OR4K14: variants seen among roughly 807,000 people sequenced by gnomAD.
OR4K14 encodes olfactory receptor family 4 subfamily K member 14, also known as olfactory receptor 4K14.
For missense variants in OR4K14, 406 were observed against 373.6 expected (o/e 1.09, Z -0.72); for synonymous variants, 153 against 141.5 (o/e 1.08, Z -0.58).
chr14:20,015,599 T>C (rs1019227083), intron 1 of OR4K14, among the ~76,000 whole-genome samples: 4 of 152,158 alleles, frequency 2.6e-5, no homozygotes, highest in African/African-American at 7.2e-5. Context: ...TGTTTACATA[T>C]ATGAAAACAT....
chr14:20,014,454 A>G lies in OR4K14; in HGVS notation c.740T>C (p.Val247Ala), dbSNP rs112130140. The stretch of plus-strand genomic sequence containing the variant: ...GCAAGGGCCAAAGAACAGCGTCACT[A>G]CCATGATATGTGCAGAGCAAGTGGA... Reference protein sequence around the residue: ...ALSTCSAHIMVVTLFFGPCIF... With the variant: ...ALSTCSAHIMAVTLFFGPCIF... Residue 247 changes from valine (V) to alanine (A), a missense_variant, in exon 2 of 2, where the codon GTA becomes GCA. By Grantham distance (64) the Val-to-Ala change is moderately conservative (BLOSUM62 0). Coordinates refer to ENST00000641793, the MANE Select transcript of OR4K14 (RefSeq NM_001004712.2). The G allele has an allele frequency of 8.8e-4, 1,425 of 1,614,144 alleles. 10 individuals carry two copies. The African/African-American group carries it at 0.016, about 18-fold the overall frequency.
intron 1 of OR4K14, among the ~76,000 whole-genome samples, chr14:20,016,914 T>A (rs1484202771): frequency 6.6e-6 from 1 of 152,032 alleles, no homozygotes; most frequent in Non-Finnish European, 1.5e-5. Context: ...AAAAAATGAA[T>A]AAAAATATTT....
intron 1 of OR4K14, among the ~76,000 whole-genome samples, chr14:20,015,918 C>T (rs1594159130): frequency 3.3e-5 from 5 of 151,078 alleles, no homozygotes; most frequent in Admixed American, 3.3e-4. Flanking sequence ...TCCTTCTTTC[C>T]ATGGCCTTTG....
Position 20,014,581 on chromosome 14 carries a change from C to A in OR4K14, c.613G>T (p.Gly205Trp). 6.2e-7 allele frequency: 1 copy of A among 1,614,090 alleles called. No homozygotes were observed. The change falls in exon 2 of 2, where the codon GGG (glycine) becomes TGG (tryptophan). Residue 205 changes from glycine (G) to tryptophan (W), a missense_variant. Physicochemically the swap from Gly to Trp is radical, Grantham distance 184. Transcript: ENST00000641793. ...VLGIIMISDS[G>W]LLSLSCFLLL... is the part of the protein sequence containing the mutation. ...AGAAAACAGCTCAAGGAAAGCAACC[C>A]ACTGTCTGAGATCATAATTATACCC... is the stretch of plus-strand genomic sequence containing the variant.
chr14:20,018,654 G>T (rs886788115), intron 1 of OR4K14, among the ~76,000 whole-genome samples: 1 of 151,828 alleles, frequency 6.6e-6, no homozygotes, highest in Non-Finnish European at 1.5e-5. Flanking sequence ...TGGAAAACTC[G>T]GGAAACAAAC....
rs759213274 is a variant in OR4K14, at chr14:20,015,183, T to C, written c.11A>G (p.Gln4Arg). The C allele has an allele frequency of 6.3e-7, 1 of 1,597,412 alleles. No individual in the cohort carries two copies. The highest frequency in any genetic ancestry group is 8.5e-7 in the Non-Finnish European group (1 of 1,173,112). Residue 4 changes from glutamine (Q) to arginine (R), a missense_variant, in exon 2 of 2, where the codon CAG becomes CGG. Physicochemically the swap from Gln to Arg is conservative, Grantham distance 43. Coordinates refer to ENST00000641793, the MANE Select transcript of OR4K14 (RefSeq NM_001004712.2). MDP[Q>R]NYSLVSEFVL... ...AAATTCTGACACCAAGGAATAGTTC[T>C]GTGGGTCCATTGCCTCAGGTTTCAG...
intron 1 of OR4K14, among the ~76,000 whole-genome samples, chr14:20,016,380 G>A (rs1323181862): frequency 1.3e-5 from 2 of 151,790 alleles, no homozygotes; most frequent in Non-Finnish European, 2.9e-5. Flanking sequence ...TGGGCGGGGG[G>A]TGATGTATAA....
chr14:20,015,156 A>G lies in OR4K14; in HGVS notation c.38T>C (p.Val13Ala), dbSNP rs2138660871. Reference sequence around the variant, plus strand: ...TCGTGAAGTGCAGAGTCCATGCAACACAAATTCTGACACCAAGGAATAGTT... The same window carrying G: ...TCGTGAAGTGCAGAGTCCATGCAACGCAAATTCTGACACCAAGGAATAGTT... ...PQNYSLVSEF[V>A]LHGLCTSRHL... is the part of the protein sequence containing the mutation. The change falls in exon 2 of 2, where the codon GTG becomes GCG. Residue 13 changes from valine to alanine, a missense_variant. By Grantham distance (64) the Val-to-Ala change is moderately conservative. Transcript: ENST00000641793. 6.2e-7 allele frequency: 1 copy of G among 1,612,070 alleles called. No individual in the cohort carries two copies. Among genetic ancestry groups the G allele is most frequent in the East Asian group, 2.2e-5 (1 of 44,864 alleles).
In OR4K14 at chr14:20,014,533, C is replaced by T. The variant is rs748740603; in HGVS notation, c.661G>A (p.Val221Met). Reference protein sequence around the residue: ...CFLLLLISYTVILLAIRQRAA... With the variant: ...CFLLLLISYTMILLAIRQRAA... The stretch of plus-strand genomic sequence containing the variant: ...CGCTGTCTGATAGCGAGGAGGATCA[C>T]GGTGTAGGAGATCAGGAGGAGCAGA... Residue 221 changes from valine to methionine, a missense_variant, in exon 2 of 2, where the codon GTG becomes ATG. Transcript: ENST00000641793. 2.5e-6 allele frequency: 4 copies of T among 1,613,898 alleles called. No individual in the cohort carries two copies. Among genetic ancestry groups the T allele is most frequent in the African/African-American group, 1.3e-5 (1 of 74,888 alleles).
At chr14:20,016,488 G>A (rs1223846432) in intron 1 of OR4K14, among the ~76,000 whole-genome samples, 1 of 152,010 alleles carries the variant, frequency 6.6e-6, no homozygotes, top group Non-Finnish European at 1.5e-5. Flanking sequence ...GTTGTAGAAT[G>A]GCTTTTCTGA....
At chr14:20,018,606 A>C (rs924665072) in intron 1 of OR4K14, among the ~76,000 whole-genome samples, 3 of 152,008 alleles carry the variant, frequency 2.0e-5, no homozygotes, top group African/African-American at 7.2e-5. Context: ...TATACTTTTT[A>C]ATAAAGATTA....
chr14:20,019,012 A>T (rs1877154325), intron 1 of OR4K14, 131 bp downstream of exon 1: 1 of 151,942 alleles, frequency 6.6e-6, no homozygotes, highest in Admixed American at 6.6e-5. Flanking sequence ...ATAATGAAAA[A>T]ATTTAACTTC....
In OR4K14 at chr14:20,014,711, C is replaced by T. The variant is rs1478670731; in HGVS notation, c.483G>A (p.Val161=). The T allele has an allele frequency of 3.1e-6, 5 of 1,613,906 alleles. No individual in the cohort carries two copies. Among genetic ancestry groups the T allele is most frequent in the African/African-American group, 2.7e-5 (2 of 74,880 alleles). ...VVGFVHSISQ[V]AFTVNLPYCG... ...AGTAAGGCAAATTTACAGTGAAAGC[C>T]ACTTGACTGATGGAGTGCACAAATC... Residue 161 remains valine, a synonymous_variant, in exon 2 of 2, where the codon GTG becomes GTA. Coordinates refer to ENST00000641793, the MANE Select transcript of OR4K14 (RefSeq NM_001004712.2).
intron 1 of OR4K14, among the ~76,000 whole-genome samples, chr14:20,017,831 CAT>C: frequency 6.6e-6 from 1 of 152,154 alleles, no homozygotes; most frequent in Non-Finnish European, 1.5e-5. Flanking sequence ...CACCATTACA[CAT>C]GATTGACTAA....
Position 20,014,396 on chromosome 14 carries a change from G to A in OR4K14, c.798C>T (p.Phe266=). 6.2e-7 allele frequency: 1 copy of A among 1,613,976 alleles called. No homozygotes were observed. Among genetic ancestry groups the A allele is most frequent in the Non-Finnish European group, 8.5e-7 (1 of 1,179,934 alleles). Residue 266 remains phenylalanine, a synonymous_variant, in exon 2 of 2, where the codon TTC becomes TTT. Transcript: ENST00000641793. ...IFVYVRPFSR[F]SVDKLLSVFY... ...ACACAGACAGCAGCTTGTCCACAGA[G>A]AACCTACTGAAAGGCCGCACATAAA...
chr14:20,014,389 C>T lies in OR4K14; in HGVS notation c.805G>A (p.Asp269Asn), dbSNP rs1008577860. The change falls in exon 2 of 2, where the codon GAC becomes AAC. Residue 269 changes from aspartate to asparagine, a missense_variant. Physicochemically the swap from Asp to Asn is conservative, Grantham distance 23. Coordinates refer to ENST00000641793, the MANE Select transcript of OR4K14 (RefSeq NM_001004712.2). ...YVRPFSRFSVDKLLSVFYTIF... is the reference protein window; with the variant it reads ...YVRPFSRFSVNKLLSVFYTIF... ...GTATAAAACACAGACAGCAGCTTGT[C>T]CACAGAGAACCTACTGAAAGGCCGC... is the stretch of plus-strand genomic sequence containing the variant. 1.9e-6 allele frequency: 3 copies of T among 1,613,800 alleles called. No homozygotes were observed. Among genetic ancestry groups the T allele is most frequent in the Non-Finnish European group, 2.5e-6 (3 of 1,179,944 alleles).
At position 20,014,653 on chromosome 14, in the gene OR4K14, C is replaced by G; in HGVS notation, c.541G>C (p.Asp181His). 1.2e-6 allele frequency: 2 copies of G among 1,614,014 alleles called. No homozygotes were observed. Among genetic ancestry groups the G allele is most frequent in the South Asian group, 2.2e-5 (2 of 91,070 alleles). Residue 181 changes from aspartate (D) to histidine (H), a missense_variant, in exon 2 of 2, where the codon GAC (aspartate) becomes CAC (histidine). By Grantham distance (81) the Asp-to-His change is moderately conservative. Coordinates refer to ENST00000641793, the MANE Select transcript of OR4K14 (RefSeq NM_001004712.2). ...GCAAGTTTGATCACCAGAGGGAGGT[C>G]ACAGAAGAAGCTGTCTACCTCATTG... ...GPNEVDSFFC[D>H]LPLVIKLACM... is the part of the protein sequence containing the mutation.
chr14:20,015,172 A>T lies in OR4K14; in HGVS notation c.22T>A (p.Leu8Met). The change falls in exon 2 of 2, where the codon TTG becomes ATG. Residue 8 changes from leucine (L) to methionine (M), a missense_variant. By Grantham distance (15) the Leu-to-Met change is conservative (BLOSUM62 2). Transcript: ENST00000641793. ...CCATGCAACACAAATTCTGACACCAAGGAATAGTTCTGTGGGTCCATTGCC... is the reference window on the plus strand; with the variant it reads ...CCATGCAACACAAATTCTGACACCATGGAATAGTTCTGTGGGTCCATTGCC... MDPQNYS[L>M]VSEFVLHGLC... 1 of 1,610,162 alleles carries T rather than the reference A, an allele frequency of 6.2e-7. No individual in the cohort carries two copies. The highest frequency in any genetic ancestry group is 8.5e-7 in the Non-Finnish European group (1 of 1,178,182).
In OR4K14 at chr14:20,014,593, T is replaced by C; in HGVS notation, c.601A>G (p.Ile201Val). ...AAGGAAAGCAACCCACTGTCTGAGA[T>C]CATAATTATACCCAAGACATAGGTG... is the stretch of plus-strand genomic sequence containing the variant. ...MDTYVLGIIM[I>V]SDSGLLSLSC... Residue 201 changes from isoleucine (I) to valine (V), a missense_variant, in exon 2 of 2, where the codon ATC becomes GTC. Coordinates refer to ENST00000641793, the MANE Select transcript of OR4K14 (RefSeq NM_001004712.2). 6.2e-7 allele frequency: 1 copy of C among 1,614,014 alleles called. No homozygotes were observed. Among genetic ancestry groups the C allele is most frequent in the Non-Finnish European group, 8.5e-7 (1 of 1,179,984 alleles).
Sources: gnomAD v4.1 joint callset for allele counts (sites outside exome capture counted in the v4.1 genomes callset) on GRCh38, gnomAD v4.1.1 for gene constraint, MANE v1.5 for transcripts, NCBI Gene and HGNC (gene_info 2026-07-23, HGNC 2026-07-21) for gene names.